The following PARP14 variants were observed in gnomAD, a reference collection of about 807,000 sequenced individuals.
PARP14 encodes protein mono-ADP-ribosyltransferase PARP14.
In PARP14, 59 loss-of-function variants were observed where a neutral mutation model predicts 154.2. The ratio of observed to expected loss-of-function variants is 0.38; its 90% CI spans 0.31 to 0.48. The LOEUF is 0.48. Among genes scored for constraint, PARP14 ranks in the 20% least tolerant of loss-of-function variants. The pLI, the probability that PARP14 is intolerant of heterozygous loss-of-function variation, is 0.98. For missense variants in PARP14, 1,734 were observed against 2,131.6 expected (o/e 0.81, Z 3.67); for synonymous variants, 720 against 780.5 (o/e 0.92, Z 1.29).
At chr3:122,688,594 G>T (rs1192482560) in intron 3 of PARP14, among the ~76,000 whole-genome samples, 1 of 152,158 alleles carries the variant, frequency 6.6e-6, no homozygotes, top group African/African-American at 2.4e-5. Context: ...TTGCTGAATG[G>T]TTACCCCACA....
intron 1 of PARP14, chr3:122,683,220 T>G: frequency 6.8e-6 from 5 of 735,722 alleles, no homozygotes; most frequent in South Asian, 6.1e-5. Context: ...TAACAATGAA[T>G]GACCTACGCT....
chr3:122,717,852 C>T (rs1933036815), intron 12 of PARP14, among the ~76,000 whole-genome samples: 2 of 152,194 alleles, frequency 1.3e-5, no homozygotes, highest in African/African-American at 2.4e-5. Flanking sequence ...CCTTTGTTCA[C>T]TGCTAGGCTG....
chr3:122,711,000 G>C (rs973428569), intron 9 of PARP14, among the ~76,000 whole-genome samples: 1 of 151,918 alleles, frequency 6.6e-6, no homozygotes, highest in Admixed American at 6.6e-5. Flanking sequence ...TGAGTCGTTA[G>C]GATTTTCTAG....
chr3:122,712,240 C>CTTTTTTTTTTTTTTTTTT (rs55876947), intron 9 of PARP14, among the ~76,000 whole-genome samples: 1 of 138,358 alleles, frequency 7.2e-6, no homozygotes. Context: ...GGATTCACAT[C>CTTTTTTTTTTTTTTTTTT]TTTTTTTTTT....
intron 15 of PARP14, 103 bp from the exon 16 acceptor site, chr3:122,727,709 T>C: frequency 1.5e-6 from 1 of 656,544 alleles, no homozygotes. Flanking sequence ...GATTTGCTGT[T>C]TAGTGTGCTT....
At chr3:122,705,993 C>T (rs756344484) in intron 8 of PARP14, among the ~76,000 whole-genome samples, 11 of 152,204 alleles carry the variant, frequency 7.2e-5, no homozygotes, top group African/African-American at 2.4e-5. Flanking sequence ...ACTTTCCCTC[C>T]TATAAATCAC....
Position 122,701,733 on chromosome 3 carries a change from A to T in PARP14, c.3081+98A>T. 1.1e-6 allele frequency: 1 copy of T among 892,362 alleles called. No individual in the cohort carries two copies. Among genetic ancestry groups the T allele is most frequent in the Non-Finnish European group, 1.7e-6 (1 of 592,418 alleles). 55.3% of individuals were successfully genotyped at this position (892,362 alleles called of 1,614,324 possible). A position where few individuals can be genotyped will look rare whatever the true frequency, so the allele number is the denominator to read the frequency against. ...CTGAAGAAAGATAAGGACCAAGGTG[A>T]GAATCAAGGGAGAGAATCCCATGCC... is the stretch of plus-strand genomic sequence containing the variant. On this transcript the variant is annotated intron_variant, in intron 6 of 16. Transcript: ENST00000474629. The surrounding 1 kb of genome is among the most constrained non-coding windows in gnomAD (Gnocchi z 4.0).
chr3:122,683,228 G>A lies in PARP14; in HGVS notation c.188-1957G>A, dbSNP rs146845608. On this transcript the variant is annotated intron_variant, in intron 1 of 16. Transcript: ENST00000474629. The stretch of plus-strand genomic sequence containing the variant: ...AATTTGCTAACAATGAATGACCTAC[G>A]CTTGAAGTCCCAGAAGTGCATTCTT... The A allele has an allele frequency of 6.5e-4, 562 of 859,746 alleles. 3 individuals are homozygous for A. Among genetic ancestry groups the A allele is most frequent in the East Asian group, 1.9e-3 (16 of 8,264 alleles). The allele number at this position is 859,746 out of a possible 1,614,324, so 53.3% of individuals were successfully genotyped here.
chr3:122,706,486 A>T (rs2107647347), intron 8 of PARP14, among the ~76,000 whole-genome samples: 1 of 152,234 alleles, frequency 6.6e-6, no homozygotes, highest in East Asian at 1.9e-4. Context: ...TTTACATAAA[A>T]CTCTAGATAT....
chr3:122,689,682 A>G (rs72964310), intron 3 of PARP14, among the ~76,000 whole-genome samples: 9,107 of 152,138 alleles, frequency 0.06, 316 homozygotes, highest in Middle Eastern at 0.088. Flanking sequence ...CACAAGTTCA[A>G]CATGGCAGGA....
At chr3:122,699,324 T>G (rs1020384198) in intron 5 of PARP14, 66 bp from the exon 6 acceptor site, 1 of 930,356 alleles carries the variant, frequency 1.1e-6, no homozygotes, top group African/African-American at 1.6e-5. Context: ...ATAGGAAAAT[T>G]TTGTTTTGTT....
In PARP14 at chr3:122,712,450, G is replaced by A. The variant is rs563211000; in HGVS notation, c.3620-974G>A. Among the ~76,000 whole-genome samples, 6 of 152,146 alleles carry A rather than the reference G, an allele frequency of 3.9e-5. No homozygotes were observed. In the East Asian group the frequency reaches 1.2e-3, roughly 29 times the overall value. The stretch of plus-strand genomic sequence containing the variant: ...TTTAGCAGAGAGAAGGTTTTACCAT[G>A]TTGGACAGGCTTGTCTTGAACTCCT... On this transcript the variant is annotated intron_variant, in intron 9 of 16. Coordinates refer to ENST00000474629, the MANE Select transcript of PARP14 (RefSeq NM_017554.3).
chr3:122,703,005 AAAAAACAAAAAAAAAAAACAAAAAAC>A (rs542424789), intron 6 of PARP14, among the ~76,000 whole-genome samples: 8,461 of 130,758 alleles, frequency 0.065, 327 homozygotes, highest in Middle Eastern at 0.11. Flanking sequence ...AAAAAAAAAA[AAAAAACAAAAAAAAAAAACAAAAAAC>A]AAAAAACAGT....
chr3:122,702,399 T>G (rs1016270618), intron 6 of PARP14, among the ~76,000 whole-genome samples: 18 of 152,068 alleles, frequency 1.2e-4, no homozygotes. Context: ...GTATTTTTTT[T>G]GGTAGAGATG....
intron 4 of PARP14, 73 bp from the exon 5 acceptor site, chr3:122,695,353 C>T: frequency 1.3e-6 from 1 of 751,030 alleles, no homozygotes; most frequent in East Asian, 2.7e-5. Context: ...AGTAGCCAGA[C>T]ATTTTCTTCT....
rs527908834 is a variant in PARP14 at position 122,708,779 on chromosome 3, A to G, written c.3619+511A>G. On this transcript the variant is annotated intron_variant, in intron 9 of 16. Coordinates refer to ENST00000474629, the MANE Select transcript of PARP14 (RefSeq NM_017554.3). The stretch of plus-strand genomic sequence containing the variant: ...CAATACTGTGGTGCTAAGCCTTTTG[A>G]CAGTGTTCCAAGGTCTCTGCAGAGC... Among the ~76,000 whole-genome samples the G allele has an allele frequency of 1.4e-4, 21 of 152,070 alleles. No homozygotes were observed. The East Asian group carries it at 3.9e-3, about 28-fold the overall frequency.
rs867303087 is a variant in PARP14, at chr3:122,701,586, C to G, written c.3032C>G (p.Pro1011Arg). ...TGGGAAAAAGGAAGCCTGGTGTCCC[C>G]GGGAGGCCTGCAGATGCTGTTGGTG... The part of the protein sequence containing the change: ...TSWEKGSLVS[P>R]GGLQMLLVKE... The change falls in exon 6 of 17, where the codon CCG becomes CGG. Residue 1011 changes from proline (P) to arginine (R), a missense_variant. Physicochemically the swap from Pro to Arg is moderately radical, Grantham distance 103. Around this residue, in one of 2 missense-constraint regions of PARP14, gnomAD observed 1,646 missense variants for 1,976.0 expected, o/e 0.83. Transcript: ENST00000474629. The surrounding 1 kb of genome is among the most constrained non-coding windows in gnomAD (Gnocchi z 4.0). 3.1e-6 allele frequency: 5 copies of G among 1,606,112 alleles called. No individual in the cohort carries two copies. Among genetic ancestry groups the G allele is most frequent in the Non-Finnish European group, 4.3e-6 (5 of 1,175,912 alleles).
chr3:122,695,899 C>A (rs1028794129), intron 5 of PARP14, among the ~76,000 whole-genome samples: 2 of 152,092 alleles, frequency 1.3e-5, no homozygotes, highest in Non-Finnish European at 2.9e-5. Context: ...GAGTCTCTAC[C>A]TATGATGGGC....
Position 122,700,003 on chromosome 3 carries a change from C to T in PARP14, c.1449C>T (p.His483=), listed in dbSNP as rs1471799807. Residue 483 remains histidine (H), a synonymous_variant, in exon 6 of 17, where the codon CAC becomes CAT. Coordinates refer to ENST00000474629, the MANE Select transcript of PARP14 (RefSeq NM_017554.3). Reference sequence around the variant, plus strand: ...CAGGCAGGTATTTTCTTTTGTGTCACAGCAGTCTACTGGACCATTTACTCA... The same window carrying T: ...CAGGCAGGTATTTTCTTTTGTGTCATAGCAGTCTACTGGACCATTTACTCA... ...ISPGRYFLLC[H]SSLLDHLLTE... The T allele has an allele frequency of 1.9e-6, 3 of 1,613,782 alleles. No individual in the cohort carries two copies. The highest frequency in any genetic ancestry group is 1.7e-5 in the Admixed American group (1 of 59,994).
Sources: gnomAD v4.1 joint callset for allele counts (sites outside exome capture counted in the v4.1 genomes callset) on GRCh38, gnomAD v4.1.1 for gene constraint, gnomAD v4.1.1 regional missense constraint, Gnocchi (gnomAD v3.1) non-coding constraint, MANE v1.5 for transcripts, NCBI Gene and HGNC (gene_info 2026-07-23, HGNC 2026-07-21) for gene names.